Variants in LRIG3 observed in about 807,000 individuals in gnomAD.
LRIG3 encodes leucine-rich repeats and immunoglobulin-like domains protein 3.
LRIG3 carries 76 observed loss-of-function variants against 114.5 expected under a neutral mutation model. The ratio of observed to expected loss-of-function variants is 0.66; its 90% CI spans 0.55 to 0.80. The LOEUF (loss-of-function observed/expected upper bound fraction) is 0.80. LRIG3 is among the 30% of genes least tolerant of loss of function. The pLI is 0.00. For synonymous variants in LRIG3, 512 were observed against 519.8 expected (o/e 0.98, Z 0.20); for missense variants, 1,239 against 1,382.8 (o/e 0.90, Z 1.65).
chr12:58,918,458 A>G (rs1872555158), intron 1 of LRIG3, among the ~76,000 whole-genome samples: 2 of 152,246 alleles, frequency 1.3e-5, no homozygotes, highest in African/African-American at 4.8e-5. Flanking sequence ...GCACACTAGC[A>G]TGATCACAAT....
rs1273464415 is a variant in LRIG3 at position 58,894,544 on chromosome 12, AC to A, written c.384-3749del. Among the ~76,000 whole-genome samples, 4 of 152,142 alleles carry A rather than the reference AC, an allele frequency of 2.6e-5. No individual in the cohort carries two copies. In the East Asian group the frequency reaches 5.8e-4, roughly 22 times the overall value. On this transcript the variant is annotated intron_variant, in intron 3 of 18. Coordinates refer to ENST00000320743, the MANE Select transcript of LRIG3 (RefSeq NM_153377.5). ...ATCATCTAGAATCCTAAAAAAAAAA[AC>A]ATATTTTATGGAGTTGGTCAAAAAT...
intron 1 of LRIG3, 124 bp downstream of exon 1, chr12:58,919,876 C>T: frequency 9.9e-7 from 1 of 1,009,618 alleles, no homozygotes; most frequent in Non-Finnish European, 1.5e-6. Flanking sequence ...CCGATCGCGG[C>T]CTGGGCCAGA....
chr12:58,919,628 T>A, intron 1 of LRIG3: 1 of 1,460,618 alleles, frequency 6.8e-7, no homozygotes, highest in Non-Finnish European at 9.1e-7. Flanking sequence ...AACTGCAAAC[T>A]CCTGATGTGT....
intron 1 of LRIG3, chr12:58,919,310 C>A (rs1392094545): frequency 7.0e-7 from 1 of 1,431,520 alleles, no homozygotes; most frequent in Non-Finnish European, 9.5e-7. Context: ...TCCCCTAAAC[C>A]GTCTGGGCGT....
chr12:58,892,567 C>T (rs17121678), intron 3 of LRIG3, among the ~76,000 whole-genome samples: 2,663 of 152,170 alleles, frequency 0.018, 75 homozygotes, highest in African/African-American at 0.053. Flanking sequence ...TGCAAGCTGA[C>T]GTCAAACTTA....
At chr12:58,890,837 C>A (rs774703148) in intron 3 of LRIG3, 41 bp from the exon 4 acceptor site, 11 of 1,557,240 alleles carry the variant, frequency 7.1e-6, no homozygotes, top group Non-Finnish European at 9.5e-6. Flanking sequence ...GTTAACGGTA[C>A]AACAATCTGA....
In LRIG3 at chr12:58,914,045, T is replaced by C. The variant is rs151174055; in HGVS notation, c.320A>G (p.Asn107Ser). 77 of 1,608,210 alleles carry C rather than the reference T, an allele frequency of 4.8e-5. No homozygotes were observed. In the African/African-American group the frequency reaches 7.4e-4, roughly 15 times the overall value. Reference protein sequence around the residue: ...LQSLREVKLNNNELETIPNLG... With the variant: ...LQSLREVKLNSNELETIPNLG... ...ATTTGGAATGGTCTCCAATTCATTGTTGTTCAGTTTCCTACAAATGCCAAA... is the reference window on the plus strand; with the variant it reads ...ATTTGGAATGGTCTCCAATTCATTGCTGTTCAGTTTCCTACAAATGCCAAA... The change falls in exon 3 of 19, where the codon AAC becomes AGC. Residue 107 changes from asparagine (N) to serine (S), a missense_variant. Transcript: ENST00000320743.
rs939665302 is a variant in LRIG3, at chr12:58,915,419, AAAAT to A, written c.237-1087_237-1084del. 7.1e-4 allele frequency among the ~76,000 whole-genome samples: 108 copies of A among 152,314 alleles called. 2 individuals carry two copies. Among genetic ancestry groups the A allele is most frequent in the Admixed American group, 4.4e-3 (68 of 15,304 alleles). On this transcript the variant is annotated intron_variant, in intron 1 of 18. Transcript: ENST00000320743. ...ATATGCATAAGTACACCCCTCCTAA[AAAAT>A]AAATAAAGAGAAATCACCTCCAGAG...
chr12:58,920,067 G>A lies in LRIG3; in HGVS notation c.169C>T (p.Leu57=), dbSNP rs1872615484. 6.4e-7 allele frequency: 1 copy of A among 1,556,654 alleles called. No homozygotes were observed. The change falls in exon 1 of 19, where the codon CTG becomes TTG. Residue 57 remains leucine, a synonymous_variant. Transcript: ENST00000320743. ...AGCCGCTTACGACTGCAGTCCAGCA[G>A]GTCCCCGAGGCAGCGGCAGGTAGTG... ...CPTTCRCLGD[L]LDCSRKRLAR...
chr12:58,916,912 T>G (rs1349881109), intron 1 of LRIG3, among the ~76,000 whole-genome samples: 2 of 152,322 alleles, frequency 1.3e-5, no homozygotes, highest in East Asian at 3.9e-4. Flanking sequence ...CAAGTCAAAT[T>G]TTAAATGCAA....
chr12:58,905,521 T>C (rs962987265), intron 3 of LRIG3, among the ~76,000 whole-genome samples: 6 of 152,240 alleles, frequency 3.9e-5, no homozygotes, highest in African/African-American at 1.2e-4. Flanking sequence ...TGGTGAAGGC[T>C]GCAGTCCCCT....
intron 12 of LRIG3, 66 bp from the exon 13 acceptor site, chr12:58,880,967 T>A (rs374118120): frequency 1.4e-6 from 2 of 1,460,676 alleles, no homozygotes. Flanking sequence ...ACTACTCAAA[T>A]TTGAACACCA....
chr12:58,882,324 T>C (rs1871150536), intron 12 of LRIG3, among the ~76,000 whole-genome samples: 1 of 152,244 alleles, frequency 6.6e-6, no homozygotes, highest in South Asian at 2.1e-4. Flanking sequence ...ACTAGCTATG[T>C]AAAGTTCAGG....
intron 4 of LRIG3, 152 bp from the exon 5 acceptor site, chr12:58,890,291 G>GC: frequency 4.8e-6 from 4 of 839,130 alleles, no homozygotes; most frequent in Non-Finnish European, 7.1e-6. Context: ...CAGATGTTAA[G>GC]ATTCACACAT....
chr12:58,886,763 T>C (rs1839620939), intron 9 of LRIG3, 47 bp downstream of exon 9: 3 of 1,556,538 alleles, frequency 1.9e-6, no homozygotes, highest in Non-Finnish European at 2.7e-6. Context: ...GAAGACAAAA[T>C]TTTTAAATCA....
chr12:58,887,332 C>A (rs2120905122), intron 8 of LRIG3, among the ~76,000 whole-genome samples: 1 of 152,290 alleles, frequency 6.6e-6, no homozygotes, highest in African/African-American at 2.4e-5. Context: ...CCTTAAATTA[C>A]CATTTGAGAA....
chr12:58,899,446 G>T (rs1871763651), intron 3 of LRIG3, among the ~76,000 whole-genome samples: 1 of 150,960 alleles, frequency 6.6e-6, no homozygotes, highest in Non-Finnish European at 1.5e-5. Flanking sequence ...TTGTTTTTTG[G>T]TTCTTTTTTC....
chr12:58,885,611 A>G (rs1235467946), intron 10 of LRIG3, among the ~76,000 whole-genome samples: 4 of 152,148 alleles, frequency 2.6e-5, no homozygotes, highest in Non-Finnish European at 5.9e-5. Context: ...TTGTTCTTAA[A>G]TACAAAGGAA....
At chr12:58,888,531 A>C in intron 6 of LRIG3, 59 bp from the exon 7 acceptor site, 1 of 1,591,574 alleles carries the variant, frequency 6.3e-7, no homozygotes, top group Non-Finnish European at 8.6e-7. Flanking sequence ...GTCTCTTCAA[A>C]GGGGACATAT....
Sources: allele counts gnomAD v4.1 joint callset (sites outside exome capture counted in the v4.1 genomes callset), GRCh38; gene constraint gnomAD v4.1.1; transcripts MANE v1.5; gene names NCBI Gene and HGNC (gene_info 2026-07-23, HGNC 2026-07-21).